Variants in EDIL3 observed in about 807,000 individuals in gnomAD.
EDIL3 encodes EGF-like repeat and discoidin I-like domain-containing protein 3.
Under a neutral mutation model 67.4 loss-of-function variants are expected in EDIL3, and 37 were observed. The observed-to-expected ratio is 0.55, with a 90% CI of 0.42 to 0.72. The LOEUF (loss-of-function observed/expected upper bound fraction) is 0.72. Ranked by LOEUF, EDIL3 falls within the 30% of genes least tolerant of loss-of-function variation. EDIL3 has a pLI of 0.00. For missense variants in EDIL3, 527 were observed against 586.3 expected (o/e 0.90, Z 1.04); for synonymous variants, 195 against 196.3 (o/e 0.99, Z 0.05).
At chr5:84,356,825 A>G (rs1747493150) in intron 1 of EDIL3, among the ~76,000 whole-genome samples, 1 of 148,746 alleles carries the variant, frequency 6.7e-6, no homozygotes, top group South Asian at 2.2e-4. Context: ...TTGATGATTC[A>G]GAGTTTAATT....
intron 3 of EDIL3, among the ~76,000 whole-genome samples, chr5:84,208,431 G>A (rs1190425286): frequency 6.6e-6 from 1 of 151,848 alleles, no homozygotes; most frequent in African/African-American, 2.4e-5. Context: ...TGTAATCCCA[G>A]CACTTTGGGA....
intron 1 of EDIL3, among the ~76,000 whole-genome samples, chr5:84,300,084 G>A (rs1224554751): frequency 9.9e-5 from 15 of 152,186 alleles, no homozygotes; most frequent in South Asian, 4.1e-4. Context: ...TAGGCTTGAC[G>A]TTTGGCACAG....
At chr5:84,075,573 T>G (rs1345670525) in intron 6 of EDIL3, among the ~76,000 whole-genome samples, 3 of 152,070 alleles carry the variant, frequency 2.0e-5, no homozygotes, top group Non-Finnish European at 4.4e-5. Flanking sequence ...CCTCCCAGGT[T>G]CAAGCAATTC....
At chr5:84,051,850 G>A (rs984059296) in intron 9 of EDIL3, among the ~76,000 whole-genome samples, 2 of 152,222 alleles carry the variant, frequency 1.3e-5, no homozygotes, top group African/African-American at 4.8e-5. Flanking sequence ...ACCTGAAAGT[G>A]ACGGGGAGAA....
intron 10 of EDIL3, among the ~76,000 whole-genome samples, chr5:83,946,590 TA>T (rs1744313675): frequency 6.6e-6 from 1 of 151,880 alleles, no homozygotes. Flanking sequence ...TCAGATAAAA[TA>T]AAACAATAAA....
chr5:84,034,731 C>A (rs552757895), intron 9 of EDIL3, among the ~76,000 whole-genome samples: 1 of 152,030 alleles, frequency 6.6e-6, no homozygotes, highest in African/African-American at 2.4e-5. Flanking sequence ...GATGAGGAGT[C>A]CTGGGATGGT....
intron 3 of EDIL3, 86 bp downstream of exon 3, chr5:84,229,769 G>GA (rs1744529460): frequency 6.4e-6 from 9 of 1,405,972 alleles, no homozygotes; most frequent in Middle Eastern, 2.1e-4. Context: ...GTTGAAATCT[G>GA]AAAAAATATT....
intron 1 of EDIL3, among the ~76,000 whole-genome samples, chr5:84,347,268 T>C (rs1161714868): frequency 6.6e-6 from 1 of 152,236 alleles, no homozygotes; most frequent in Non-Finnish European, 1.5e-5. Flanking sequence ...GTATCTGTTC[T>C]TCCATTGGAA....
rs769888872 is a variant in EDIL3, at chr5:84,064,798, A to T, written c.854T>A (p.Phe285Tyr). 1 of 1,613,908 alleles carries T rather than the reference A, an allele frequency of 6.2e-7. No individual in the cohort carries two copies. Among genetic ancestry groups the T allele is most frequent in the Non-Finnish European group, 8.5e-7 (1 of 1,179,838 alleles). ...ATACTGAGCTTTTATGGGGGGTGTGAAAGAGTTAGCATATGGAGTGTTGTT... is the reference window on the plus strand; with the variant it reads ...ATACTGAGCTTTTATGGGGGGTGTGTAAGAGTTAGCATATGGAGTGTTGTT... ...IDNNTPYANS[F>Y]TPPIKAQYVR... is the part of the protein sequence containing the mutation. Residue 285 changes from phenylalanine (F) to tyrosine (Y), a missense_variant, in exon 8 of 11, where the codon TTC becomes TAC. Phe to Tyr is a conservative substitution (Grantham distance 22). This residue lies in a region of EDIL3 where 494 missense variants were observed against 522.5 expected (regional missense o/e 0.95). Transcript: ENST00000296591.
intron 9 of EDIL3, among the ~76,000 whole-genome samples, chr5:84,020,076 CA>C (rs9293362): frequency 0.2 from 25,014 of 128,202 alleles, 2,541 homozygotes; most frequent in Middle Eastern, 0.29. Context: ...ATCTTTTGTA[CA>C]AAAAAAAAAA....
chr5:84,330,539 G>A (rs1260002076), intron 1 of EDIL3, among the ~76,000 whole-genome samples: 3 of 152,142 alleles, frequency 2.0e-5, no homozygotes, highest in African/African-American at 7.2e-5. Flanking sequence ...TACTCAGCTT[G>A]AGCAGAGTCA....
rs1429741459 is a variant in EDIL3 at position 84,160,813 on chromosome 5, TCCTTTC to T, written c.355+19574_355+19579del. ...TCCTTTCCTTTCCTTTCCTTTCCTT[TCCTTTC>T]CCTTTCCTTTTCCTTTCCTTTTCCT... On this transcript the variant is annotated intron_variant, in intron 4 of 10. Coordinates refer to ENST00000296591, the MANE Select transcript of EDIL3 (RefSeq NM_005711.5). 2.1e-3 allele frequency among the ~76,000 whole-genome samples: 277 copies of T among 134,122 alleles called. 2 individuals are homozygous for T. The highest frequency in any genetic ancestry group is 8.5e-3 in the African/African-American group (270 of 31,744). 88.0% of individuals were successfully genotyped at this position (134,122 alleles called of 152,430 possible). A position where few individuals can be genotyped will look rare whatever the true frequency, so the allele number is the denominator to read the frequency against.
chr5:84,303,128 A>G (rs1746192578), intron 1 of EDIL3, among the ~76,000 whole-genome samples: 1 of 152,026 alleles, frequency 6.6e-6, no homozygotes, highest in Non-Finnish European at 1.5e-5. Context: ...CCAAGTTGTC[A>G]TTTTCCATTT....
chr5:84,321,326 G>A (rs939176444), intron 1 of EDIL3, among the ~76,000 whole-genome samples: 6 of 152,060 alleles, frequency 3.9e-5, no homozygotes, highest in African/African-American at 7.2e-5. Context: ...AGTACTCTAA[G>A]CTCTTGAAAA....
chr5:84,146,731 A>C (rs1748295325), intron 4 of EDIL3, among the ~76,000 whole-genome samples: 1 of 152,102 alleles, frequency 6.6e-6, no homozygotes, highest in African/African-American at 2.4e-5. Context: ...TTTTATACAT[A>C]TCTTTTAACT....
intron 2 of EDIL3, among the ~76,000 whole-genome samples, chr5:84,246,413 C>T (rs900824289): frequency 3.3e-5 from 5 of 152,188 alleles, no homozygotes; most frequent in South Asian, 2.1e-4. Flanking sequence ...GCAACAAAGA[C>T]GTAAAAGATG....
chr5:84,059,031 G>T (rs1442328226), intron 9 of EDIL3, among the ~76,000 whole-genome samples: 1 of 152,062 alleles, frequency 6.6e-6, no homozygotes, highest in Non-Finnish European at 1.5e-5. Context: ...AATAAAAAAT[G>T]TTAAGGGAAA....
intron 7 of EDIL3, among the ~76,000 whole-genome samples, chr5:84,065,357 T>A (rs920846357): frequency 6.6e-6 from 1 of 152,162 alleles, no homozygotes; most frequent in African/African-American, 2.4e-5. Context: ...GATAATAGAA[T>A]TCCTTATTAA....
At chr5:84,228,817 TG>T (rs947412009) in intron 3 of EDIL3, among the ~76,000 whole-genome samples, 3 of 152,150 alleles carry the variant, frequency 2.0e-5, no homozygotes, top group Admixed American at 2.0e-4. Context: ...CCAGGCTAGT[TG>T]AAGTAAGTCA....
Sources: gnomAD v4.1 joint callset for allele counts (sites outside exome capture counted in the v4.1 genomes callset) on GRCh38, gnomAD v4.1.1 for gene constraint, gnomAD v4.1.1 regional missense constraint, MANE v1.5 for transcripts, NCBI Gene and HGNC (gene_info 2026-07-23, HGNC 2026-07-21) for gene names.